The following TCEA1 variants were observed in gnomAD, a reference collection of about 807,000 sequenced individuals.
TCEA1 encodes transcription elongation factor A protein 1.
A neutral mutation model predicts 43.8 loss-of-function variants in TCEA1; 21 were observed. The ratio of observed to expected loss-of-function variants is 0.48; its 90% CI spans 0.34 to 0.69. TCEA1 has a LOEUF of 0.69. Among genes scored for constraint, TCEA1 ranks in the 30% least tolerant of loss-of-function variants. The pLI, the probability that TCEA1 is intolerant of heterozygous loss-of-function variation, is 0.01. For missense variants in TCEA1, 250 were observed against 365.1 expected, an observed-to-expected ratio of 0.68 and a Z score of 2.57; for synonymous variants, 104 against 117.5, an observed-to-expected ratio of 0.88 and a Z score of 0.75.
At chr8:54,008,007 C>T (rs1295789830) in intron 2 of TCEA1, among the ~76,000 whole-genome samples, 5 of 151,420 alleles carry the variant, frequency 3.3e-5, no homozygotes, top group African/African-American at 1.2e-4. Flanking sequence ...CATGGTGAAA[C>T]CCCGTCTCTA....
chr8:54,001,187 A>C (rs1779596007), intron 2 of TCEA1, among the ~76,000 whole-genome samples: 2 of 152,230 alleles, frequency 1.3e-5, no homozygotes, highest in African/African-American at 4.8e-5. Context: ...TAAATAAAAA[A>C]TGGTATATTA....
At chr8:54,007,025 T>A (rs911767072) in intron 2 of TCEA1, among the ~76,000 whole-genome samples, 4 of 152,134 alleles carry the variant, frequency 2.6e-5, no homozygotes, top group Non-Finnish European at 5.9e-5. Flanking sequence ...GTATTTTTAA[T>A]AGAGACGGGG....
At chr8:54,018,123 A>G (rs1474479670) in intron 1 of TCEA1, among the ~76,000 whole-genome samples, 1 of 152,206 alleles carries the variant, frequency 6.6e-6, no homozygotes, top group Non-Finnish European at 1.5e-5. Context: ...ATAGATATCA[A>G]AGTTTTGTTG....
At position 53,999,988 on chromosome 8, in the gene TCEA1, T is replaced by C. The variant is rs907796682; in HGVS notation, c.189A>G (p.Thr63=). ...ATTTGATGAGAGACTTTGCCAAAGA[T>C]GTAACTTCCTCATCTGTACTCTGCT... ...IRKQSTDEEV[T]SLAKSLIKSW... The change falls in exon 3 of 10, where the codon ACA becomes ACG. Residue 63 remains threonine (T), a synonymous_variant. Coordinates refer to ENST00000521604, the MANE Select transcript of TCEA1 (RefSeq NM_006756.4). 5 of 1,604,802 alleles carry C rather than the reference T, an allele frequency of 3.1e-6. No homozygotes were observed. The East Asian group carries it at 9.0e-5, about 29-fold the overall frequency.
chr8:54,013,561 C>T (rs1048972822), intron 1 of TCEA1, among the ~76,000 whole-genome samples: 1 of 151,440 alleles, frequency 6.6e-6, no homozygotes, highest in African/African-American at 2.4e-5. Flanking sequence ...CACCTGTAAT[C>T]CCACAGCTAC....
intron 4 of TCEA1, among the ~76,000 whole-genome samples, chr8:53,992,617 G>C (rs1200028838): frequency 6.6e-6 from 1 of 152,086 alleles, no homozygotes; most frequent in Admixed American, 6.6e-5. Flanking sequence ...TCTCAAAACA[G>C]GTATCTGGGC....
Position 53,996,903 on chromosome 8 carries a change from C to CTTTT in TCEA1, c.232+3038_232+3041dup, listed in dbSNP as rs754537318. On this transcript the variant is annotated intron_variant, in intron 3 of 9. Coordinates refer to ENST00000521604, the MANE Select transcript of TCEA1 (RefSeq NM_006756.4). Reference sequence around the variant, plus strand: ...AGCTAAGGGGTAAAAAGAAGGTTGTCTTTTTTTTTTTTTTTAGACAGACTC... The same window carrying CTTTT: ...AGCTAAGGGGTAAAAAGAAGGTTGTCTTTTTTTTTTTTTTTTTTTAGACAGACTC... Among the ~76,000 whole-genome samples the CTTTT allele has an allele frequency of 6.9e-4, 81 of 116,596 alleles. 7 individuals are homozygous for CTTTT. The highest frequency in any genetic ancestry group is 2.5e-3 in the African/African-American group (66 of 26,732). 76.5% of individuals were successfully genotyped at this position (116,596 alleles called of 152,430 possible).
intron 1 of TCEA1, chr8:54,021,418 CCGGT>C (rs1214583746): frequency 1.3e-5 from 2 of 152,232 alleles, no homozygotes; most frequent in Non-Finnish European, 2.9e-5. Flanking sequence ...TACCAGCATT[CCGGT>C]GAGTGTGCGT....
At chr8:54,007,605 G>A (rs887359274) in intron 2 of TCEA1, among the ~76,000 whole-genome samples, 36 of 152,168 alleles carry the variant, frequency 2.4e-4, no homozygotes, top group African/African-American at 8.4e-4. Flanking sequence ...AGTTTTAGTC[G>A]TAAATACTGG....
At chr8:53,997,130 G>T (rs996524357) in intron 3 of TCEA1, among the ~76,000 whole-genome samples, 3 of 151,864 alleles carry the variant, frequency 2.0e-5, no homozygotes, top group Admixed American at 2.0e-4. Context: ...GGATGGTCTC[G>T]ATCTCCTGAC....
chr8:54,004,408 T>C (rs1804372841), intron 2 of TCEA1, among the ~76,000 whole-genome samples: 1 of 152,190 alleles, frequency 6.6e-6, no homozygotes, highest in Admixed American at 6.5e-5. Flanking sequence ...AAACAACATG[T>C]GAAATATCCA....
At chr8:54,005,469 T>C (rs759744919) in intron 2 of TCEA1, among the ~76,000 whole-genome samples, 12 of 152,182 alleles carry the variant, frequency 7.9e-5, no homozygotes, top group Non-Finnish European at 1.3e-4. Flanking sequence ...AAATCCAGTG[T>C]ATCCAAATTA....
chr8:54,002,313 C>T (rs986335630), intron 2 of TCEA1, among the ~76,000 whole-genome samples: 3 of 146,990 alleles, frequency 2.0e-5, no homozygotes, highest in African/African-American at 7.6e-5. Flanking sequence ...TTAAAAAGTA[C>T]AAAAAATTAG....
At chr8:54,020,371 G>T (rs1399074490) in intron 1 of TCEA1, among the ~76,000 whole-genome samples, 2 of 152,166 alleles carry the variant, frequency 1.3e-5, no homozygotes, top group Non-Finnish European at 2.9e-5. Context: ...AGGAAAAATG[G>T]CACTGGTAAT....
chr8:53,991,738 A>G (rs1408387100), intron 4 of TCEA1, among the ~76,000 whole-genome samples: 1 of 151,588 alleles, frequency 6.6e-6, no homozygotes, highest in African/African-American at 2.4e-5. Flanking sequence ...AACAAAGACA[A>G]TGAGAGACTG....
At chr8:53,996,918 T>TTTTTTTTTTTTTTTTTG (rs1471902060) in intron 3 of TCEA1, among the ~76,000 whole-genome samples, 1 of 149,098 alleles carries the variant, frequency 6.7e-6, no homozygotes, top group African/African-American at 2.5e-5. Context: ...TTTTTTTTTT[T>TTTTTTTTTTTTTTTTTG]AGACAGACTC....
At chr8:53,990,104 A>G (rs7004808) in intron 4 of TCEA1, among the ~76,000 whole-genome samples, 24,941 of 151,866 alleles carry the variant, frequency 0.16, 5,784 homozygotes, top group African/African-American at 0.52. Context: ...GGGCTGAAGT[A>G]GGGGGCTCGC....
intron 2 of TCEA1, among the ~76,000 whole-genome samples, chr8:54,005,353 C>G (rs1185819486): frequency 6.6e-6 from 1 of 152,186 alleles, no homozygotes; most frequent in South Asian, 2.1e-4. Flanking sequence ...ACACTCACAT[C>G]AGAAACATTT....
intron 3 of TCEA1, among the ~76,000 whole-genome samples, chr8:53,994,632 G>T (rs1172963187): frequency 6.6e-6 from 1 of 152,088 alleles, no homozygotes; most frequent in Non-Finnish European, 1.5e-5. Flanking sequence ...ACTTTGGAAG[G>T]CCACGGCGGG....
Sources: allele counts gnomAD v4.1 joint callset (sites outside exome capture counted in the v4.1 genomes callset), GRCh38; gene constraint gnomAD v4.1.1; transcripts MANE v1.5; gene names NCBI Gene and HGNC (gene_info 2026-07-23, HGNC 2026-07-21).